Variants in SPATA16 observed in about 807,000 individuals in gnomAD.
The protein encoded by SPATA16 is spermatogenesis-associated protein 16.
A neutral mutation model predicts 63.3 loss-of-function variants in SPATA16; 36 were observed. The ratio of observed to expected loss-of-function variants is 0.57; its 90% CI spans 0.44 to 0.75. The LOEUF is 0.75. Ranked by LOEUF, SPATA16 falls within the 30% of genes least tolerant of loss-of-function variation. The pLI is 0.00. For synonymous variants in SPATA16, 203 were observed against 216.7 expected (o/e 0.94, Z 0.56); for missense variants, 646 against 679.3 (o/e 0.95, Z 0.54).
chr3:173,026,448 T>A (rs1377151019), intron 3 of SPATA16, among the ~76,000 whole-genome samples: 3 of 151,940 alleles, frequency 2.0e-5, no homozygotes, highest in African/African-American at 7.2e-5. Context: ...GATGTCCAAC[T>A]TATCGACTGT....
chr3:173,008,826 G>A (rs186386921), intron 4 of SPATA16, among the ~76,000 whole-genome samples: 11 of 152,090 alleles, frequency 7.2e-5, no homozygotes, highest in South Asian at 4.1e-4. Flanking sequence ...AAATCATTCC[G>A]TGACTTTAGC....
At chr3:173,082,407 C>T (rs1390078879) in intron 2 of SPATA16, among the ~76,000 whole-genome samples, 1 of 152,136 alleles carries the variant, frequency 6.6e-6, no homozygotes, top group Non-Finnish European at 1.5e-5. Context: ...TGTCTGTCGC[C>T]CCTTACCCTT....
intron 2 of SPATA16, among the ~76,000 whole-genome samples, chr3:173,069,156 A>T (rs1176907729): frequency 1.3e-5 from 2 of 151,830 alleles, no homozygotes; most frequent in African/African-American, 4.8e-5. Flanking sequence ...CATAGCAGAA[A>T]TAAGTGAAAT....
At chr3:172,992,355 T>A (rs968802653) in intron 4 of SPATA16, among the ~76,000 whole-genome samples, 1 of 152,126 alleles carries the variant, frequency 6.6e-6, no homozygotes, top group Non-Finnish European at 1.5e-5. Flanking sequence ...TGAGTTGCTT[T>A]TAAGGAAAGC....
intron 4 of SPATA16, among the ~76,000 whole-genome samples, chr3:172,979,728 CT>C (rs1253568374): frequency 2.0e-5 from 3 of 151,834 alleles, no homozygotes; most frequent in Middle Eastern, 6.8e-3. Flanking sequence ...GGGCTCAAGT[CT>C]TTTTTTTAAA....
intron 2 of SPATA16, among the ~76,000 whole-genome samples, chr3:173,057,360 G>A (rs987124736): frequency 2.0e-5 from 3 of 151,784 alleles, no homozygotes; most frequent in South Asian, 2.1e-4. Context: ...TGATCCTCCC[G>A]TCTCGGCCTC....
intron 6 of SPATA16, among the ~76,000 whole-genome samples, chr3:172,950,396 A>C (rs562791171): frequency 1.3e-5 from 2 of 152,292 alleles, no homozygotes; most frequent in South Asian, 4.1e-4. Context: ...CTTGGGAACA[A>C]TTTTCTGATT....
At chr3:173,135,478 A>G (rs556552456) in intron 1 of SPATA16, among the ~76,000 whole-genome samples, 2 of 152,344 alleles carry the variant, frequency 1.3e-5, no homozygotes, top group African/African-American at 4.8e-5. Context: ...AAGAACGTTC[A>G]CAGTAGCACT....
chr3:172,929,514 T>C lies in SPATA16; in HGVS notation c.1082-4022A>G, dbSNP rs187188769. On this transcript the variant is annotated intron_variant, in intron 6 of 10. Coordinates refer to ENST00000351008, the MANE Select transcript of SPATA16 (RefSeq NM_031955.6). ...CTGGCTTCTTGACTTTCTGGTATTATTGTCCTCTCCTTAAAAATCATCTTC... is the reference window on the plus strand; with the variant it reads ...CTGGCTTCTTGACTTTCTGGTATTACTGTCCTCTCCTTAAAAATCATCTTC... 2.2e-4 allele frequency among the ~76,000 whole-genome samples: 34 copies of C among 152,262 alleles called. 1 individual carries two copies. The highest frequency in any genetic ancestry group is 1.9e-3 in the Admixed American group (29 of 15,298).
chr3:173,027,934 C>CT lies in SPATA16; in HGVS notation c.759-8360dup, dbSNP rs559702246. The stretch of plus-strand genomic sequence containing the variant: ...CTACCCCAGGTACTTTAGACTTTAG[C>CT]TTTATATGAGACTAGGGATTAGGGA... On this transcript the variant is annotated intron_variant, in intron 3 of 10. Transcript: ENST00000351008. Among the ~76,000 whole-genome samples, 486 of 148,786 alleles carry CT rather than the reference C, an allele frequency of 3.3e-3. 5 individuals carry two copies. The highest frequency in any genetic ancestry group is 4.2e-3 in the Non-Finnish European group (283 of 67,134).
chr3:173,099,005 T>A (rs2108324134), intron 2 of SPATA16, among the ~76,000 whole-genome samples: 1 of 152,222 alleles, frequency 6.6e-6, no homozygotes, highest in Non-Finnish European at 1.5e-5. Context: ...CTATCAAGGA[T>A]CCCCAATCAT....
chr3:172,955,162 G>A (rs1733539441), intron 6 of SPATA16, among the ~76,000 whole-genome samples: 1 of 152,160 alleles, frequency 6.6e-6, no homozygotes, highest in African/African-American at 2.4e-5. Flanking sequence ...TGGCAGTGGT[G>A]CTTCCGAACT....
intron 1 of SPATA16, among the ~76,000 whole-genome samples, chr3:173,134,710 G>T (rs1577193257): frequency 6.6e-6 from 1 of 152,066 alleles, no homozygotes; most frequent in African/African-American, 2.4e-5. Flanking sequence ...CCCAGTCTCA[G>T]GTATTCTGCT....
intron 5 of SPATA16, among the ~76,000 whole-genome samples, chr3:172,959,761 T>C (rs954709317): frequency 9.6e-5 from 14 of 145,494 alleles, no homozygotes; most frequent in African/African-American, 3.7e-4. Flanking sequence ...CCTACATTGC[T>C]GTTGTAAAGA....
intron 10 of SPATA16, among the ~76,000 whole-genome samples, chr3:172,907,853 C>T (rs1027033150): frequency 1.3e-5 from 2 of 152,132 alleles, no homozygotes; most frequent in Non-Finnish European, 2.9e-5. Context: ...GTTGGTATTA[C>T]AGACGTGAGC....
intron 2 of SPATA16, among the ~76,000 whole-genome samples, chr3:173,086,050 A>G (rs182655700): frequency 2.1e-3 from 327 of 152,140 alleles, no homozygotes; most frequent in South Asian, 8.7e-3. Flanking sequence ...CTGGCCTCAT[A>G]AAATGAGTTA....
At position 173,051,419 on chromosome 3, in the gene SPATA16, A is replaced by G. The variant is rs149733167; in HGVS notation, c.613-2325T>C. On this transcript the variant is annotated intron_variant, in intron 2 of 10. Transcript: ENST00000351008. ...GGGTTTCACCGTGTTAGCCAGGATG[A>G]CCTCGGTCTTCTGACCTTGTGATCC... Among the ~76,000 whole-genome samples, 635 of 152,088 alleles carry G rather than the reference A, an allele frequency of 4.2e-3. 4 individuals are homozygous for G. The highest frequency in any genetic ancestry group is 0.013 in the African/African-American group (530 of 41,508).
intron 10 of SPATA16, among the ~76,000 whole-genome samples, chr3:172,911,802 A>AAT (rs1304094511): frequency 4.6e-5 from 7 of 152,110 alleles, no homozygotes; most frequent in Admixed American, 2.0e-4. Flanking sequence ...TGGCTTCCTG[A>AAT]ATATTTCTTA....
intron 4 of SPATA16, among the ~76,000 whole-genome samples, chr3:173,001,271 T>G (rs955950494): frequency 3.3e-5 from 5 of 150,550 alleles, no homozygotes; most frequent in African/African-American, 9.8e-5. Flanking sequence ...CTCAGTTGTT[T>G]TTTTTTTTTT....
Sources: gnomAD v4.1 joint callset for allele counts (sites outside exome capture counted in the v4.1 genomes callset) on GRCh38, gnomAD v4.1.1 for gene constraint, MANE v1.5 for transcripts, NCBI Gene and HGNC (gene_info 2026-07-23, HGNC 2026-07-21) for gene names.